Variants in CHD7 observed in about 807,000 individuals in gnomAD.
CHD7 encodes the protein chromodomain helicase DNA binding protein 7, also known as ATP-dependent chromatin remodeler CHD7.
Under a neutral mutation model 307.3 loss-of-function variants are expected in CHD7, and 24 were observed. The observed-to-expected ratio is 0.08, with a 90% CI of 0.06 to 0.11. The LOEUF is 0.11. Among genes scored for constraint, CHD7 ranks in the 10% least tolerant of loss-of-function variants. The pLI is 1.00. For missense variants in CHD7, 3,106 were observed against 3,727.1 expected, an observed-to-expected ratio of 0.83 and a Z score of 4.34; for synonymous variants, 1,363 against 1,349.9, an observed-to-expected ratio of 1.01 and a Z score of -0.21.
chr8:60,740,916 C>T (rs1392193623), intron 1 of CHD7, among the ~76,000 whole-genome samples: 2 of 152,222 alleles, frequency 1.3e-5, no homozygotes, highest in Non-Finnish European at 2.9e-5. Flanking sequence ...ATTCATACAT[C>T]TGCTTGCCTG....
intron 8 of CHD7, 79 bp from the exon 9 acceptor site, chr8:60,819,928 T>C (rs1803946334): frequency 1.0e-6 from 1 of 958,970 alleles, no homozygotes; most frequent in Non-Finnish European, 1.6e-6. Context: ...CAAAATATTA[T>C]TGCTTGGTGA....
At chr8:60,849,728 C>A (rs1055631150) in intron 25 of CHD7, among the ~76,000 whole-genome samples, 4 of 152,180 alleles carry the variant, frequency 2.6e-5, no homozygotes, top group Admixed American at 2.6e-4. Context: ...AGCAGCCCAG[C>A]CTGACTAAAG....
intron 1 of CHD7, among the ~76,000 whole-genome samples, chr8:60,738,214 G>A (rs1449527413): frequency 1.3e-5 from 2 of 152,178 alleles, no homozygotes; most frequent in African/African-American, 4.8e-5. Flanking sequence ...TACTGTAAGT[G>A]TAAATTACAT....
At chr8:60,835,332 T>C (rs1204512117) in intron 15 of CHD7, among the ~76,000 whole-genome samples, 1 of 152,174 alleles carries the variant, frequency 6.6e-6, no homozygotes, top group Non-Finnish European at 1.5e-5. Context: ...AAAATCCATG[T>C]GGGGGAAAAG....
At chr8:60,843,227 A>C (rs1034624637) in intron 21 of CHD7, among the ~76,000 whole-genome samples, 1 of 152,170 alleles carries the variant, frequency 6.6e-6, no homozygotes, top group African/African-American at 2.4e-5. Flanking sequence ...ACAGAAGTCC[A>C]TCATTATCTG....
At chr8:60,858,983 A>G (rs976340878) in intron 34 of CHD7, among the ~76,000 whole-genome samples, 10 of 152,222 alleles carry the variant, frequency 6.6e-5, no homozygotes, top group African/African-American at 2.4e-4. Flanking sequence ...TTCCTATTGC[A>G]AGTACACATT....
intron 7 of CHD7, among the ~76,000 whole-genome samples, chr8:60,813,567 T>C (rs1170171254): frequency 6.6e-6 from 1 of 152,172 alleles, no homozygotes; most frequent in East Asian, 1.9e-4. Context: ...AAAATACCTA[T>C]CAATTCCTAT....
At chr8:60,689,119 C>T (rs944036728) in intron 1 of CHD7, among the ~76,000 whole-genome samples, 4 of 152,118 alleles carry the variant, frequency 2.6e-5, no homozygotes, top group African/African-American at 7.2e-5. Flanking sequence ...AGACAATTTT[C>T]ATTTTATTCT....
intron 6 of CHD7, among the ~76,000 whole-genome samples, chr8:60,806,851 A>T (rs1812559274): frequency 2.0e-5 from 3 of 152,078 alleles, no homozygotes; most frequent in Admixed American, 2.0e-4. Context: ...GAAAATACAG[A>T]ATTAGCTGAG....
intron 1 of CHD7, among the ~76,000 whole-genome samples, chr8:60,703,064 GA>G (rs1041591678): frequency 2.0e-5 from 3 of 152,182 alleles, no homozygotes; most frequent in African/African-American, 7.2e-5. Flanking sequence ...GTGTAGAAGG[GA>G]ATACTTCAGG....
At chr8:60,846,731 ATCTG>A (rs1299887217) in intron 23 of CHD7, among the ~76,000 whole-genome samples, 1 of 152,268 alleles carries the variant, frequency 6.6e-6, no homozygotes, top group Non-Finnish European at 1.5e-5. Flanking sequence ...TGTATGGATT[ATCTG>A]TTTGAATTGT....
chr8:60,836,381 GC>G, intron 16 of CHD7, 98 bp downstream of exon 16: 1 of 934,886 alleles, frequency 1.1e-6, no homozygotes, highest in Non-Finnish European at 1.6e-6. Flanking sequence ...TGATAAAGGG[GC>G]TAGAATGGGG....
intron 1 of CHD7, among the ~76,000 whole-genome samples, chr8:60,688,668 G>T (rs1806038653): frequency 6.6e-6 from 1 of 152,214 alleles, no homozygotes; most frequent in African/African-American, 2.4e-5. Context: ...TTGTCCTGAA[G>T]ATGTTCATCT....
At chr8:60,842,812 C>A (rs761022345) in intron 21 of CHD7, among the ~76,000 whole-genome samples, 1 of 152,336 alleles carries the variant, frequency 6.6e-6, no homozygotes, top group East Asian at 1.9e-4. Flanking sequence ...GCTGACATGG[C>A]ATCCAGAGCT....
intron 3 of CHD7, among the ~76,000 whole-genome samples, chr8:60,782,142 T>G (rs1250395686): frequency 3.3e-5 from 5 of 152,250 alleles, no homozygotes. Flanking sequence ...ACAACTGTTC[T>G]GAACCAGTTC....
chr8:60,851,188 G>A, intron 27 of CHD7, 74 bp from the exon 28 acceptor site: 2 of 1,486,490 alleles, frequency 1.3e-6, no homozygotes, highest in South Asian at 2.4e-5. Context: ...TATAGATAAT[G>A]ACCTTTTCTT....
rs1249973630 is a variant in CHD7 at position 60,867,726 on chromosome 8, A to G, written c.*1793A>G. The G allele has an allele frequency of 7.2e-5, 11 of 152,158 alleles. No homozygotes were observed. The highest frequency in any genetic ancestry group is 7.2e-4 in the Admixed American group (11 of 15,284). The allele number at this position is 152,158 out of a possible 1,614,324, so 9.4% of individuals were successfully genotyped here. On this transcript the variant is annotated 3_prime_UTR_variant, in exon 38 of 38. Transcript: ENST00000423902. ...CCAGACTGTGAGATTCAGTTCGTTT[A>G]TGCCCCAAGATGAAAATATGCCCCT...
chr8:60,785,176 G>A (rs1421269392), intron 3 of CHD7, among the ~76,000 whole-genome samples: 3 of 152,210 alleles, frequency 2.0e-5, no homozygotes, highest in Admixed American at 6.5e-5. Flanking sequence ...GACTCTTGAA[G>A]GATTTAATGG....
chr8:60,740,169 T>G (rs1203437020), intron 1 of CHD7, among the ~76,000 whole-genome samples: 3 of 152,246 alleles, frequency 2.0e-5, no homozygotes, highest in Non-Finnish European at 2.9e-5. Context: ...TTACATAGTG[T>G]ACACAGTGCG....
Sources: allele counts gnomAD v4.1 joint callset (sites outside exome capture counted in the v4.1 genomes callset), GRCh38; gene constraint gnomAD v4.1.1; transcripts MANE v1.5; gene names NCBI Gene and HGNC (gene_info 2026-07-23, HGNC 2026-07-21).